The following PRMT8 variants were observed in gnomAD, a reference collection of about 807,000 sequenced individuals.
PRMT8 encodes protein arginine methyltransferase 8.
PRMT8 carries 7 observed loss-of-function variants against 47.1 expected under a neutral mutation model. The ratio of observed to expected loss-of-function variants is 0.15; its 90% CI spans 0.08 to 0.28. The LOEUF (loss-of-function observed/expected upper bound fraction) is 0.28, where lower values mean the gene tolerates loss of function less well. Ranked by LOEUF, PRMT8 falls within the 10% of genes least tolerant of loss-of-function variation. The pLI is 1.00. For synonymous variants in PRMT8, 188 were observed against 186.5 expected (o/e 1.01, Z -0.07); for missense variants, 237 against 505.4 (o/e 0.47, Z 5.09).
chr12:3,486,314 A>G (rs1423820178), upstream of PRMT8, among the ~76,000 whole-genome samples: 1 of 152,032 alleles, frequency 6.6e-6, no homozygotes, highest in Admixed American at 6.5e-5. Flanking sequence ...ATGAGAACCA[A>G]TGCATAAGAC....
intron 7 of PRMT8, among the ~76,000 whole-genome samples, chr12:3,582,058 T>C (rs1867077700): frequency 6.6e-6 from 1 of 152,234 alleles, no homozygotes; most frequent in Admixed American, 6.5e-5. Flanking sequence ...GATGGCCTTC[T>C]GGCTCTTACA....
intron 1 of PRMT8, among the ~76,000 whole-genome samples, chr12:3,494,502 C>A (rs2137115147): frequency 6.6e-6 from 1 of 152,332 alleles, no homozygotes; most frequent in South Asian, 2.1e-4. Flanking sequence ...GCTGTTTGCC[C>A]TGCCCTTGCT....
rs1865456856 is a variant in PRMT8, at chr12:3,493,520, G to T, written c.75+1820G>T. On this transcript the variant is annotated intron_variant, in intron 1 of 9. Coordinates refer to ENST00000382622, the MANE Select transcript of PRMT8 (RefSeq NM_019854.5). This position sits in a 1 kb window ranked among gnomAD's most constrained non-coding sequence, Gnocchi z 8.2. ...CATTTTTCTAAGAAAAAGTTTTTGC[G>T]GTTCCCTTTGCCTCCTACCCCCGCT... Among the ~76,000 whole-genome samples the T allele has an allele frequency of 6.6e-6, 1 of 152,102 alleles. No homozygotes were observed. Among genetic ancestry groups the T allele is most frequent in the Non-Finnish European group, 1.5e-5 (1 of 68,036 alleles).
intron 1 of PRMT8, among the ~76,000 whole-genome samples, chr12:3,505,350 G>A (rs985334620): frequency 6.6e-6 from 1 of 152,206 alleles, no homozygotes; most frequent in Non-Finnish European, 1.5e-5. Flanking sequence ...CCGCCATATA[G>A]CAAATGGCTG....
intron 1 of PRMT8, among the ~76,000 whole-genome samples, chr12:3,465,748 G>A (rs527966838): frequency 8.5e-5 from 13 of 152,310 alleles, no homozygotes; most frequent in South Asian, 4.1e-4. Flanking sequence ...GTTTGAGGAC[G>A]ACTTGAGGAC....
chr12:3,465,238 A>T (rs1205026054), intron 1 of PRMT8, among the ~76,000 whole-genome samples: 10 of 100,932 alleles, frequency 9.9e-5, no homozygotes, highest in South Asian at 3.0e-4. Flanking sequence ...AAATATATAT[A>T]TTTTTATATA....
intron 1 of PRMT8, among the ~76,000 whole-genome samples, chr12:3,432,776 G>GT (rs1864696008): frequency 6.6e-6 from 1 of 151,980 alleles, no homozygotes; most frequent in Non-Finnish European, 1.5e-5. Flanking sequence ...TCGTTTTGTT[G>GT]GTTTTTGTTT....
At chr12:3,399,865 T>C (rs1180168417) in intron 1 of PRMT8, among the ~76,000 whole-genome samples, 2 of 152,226 alleles carry the variant, frequency 1.3e-5, no homozygotes, top group African/African-American at 2.4e-5. Flanking sequence ...AGCATGTGAG[T>C]CTGATTCTTA....
chr12:3,472,005 C>T (rs536491949), intron 1 of PRMT8, among the ~76,000 whole-genome samples: 1 of 152,188 alleles, frequency 6.6e-6, no homozygotes, highest in South Asian at 2.1e-4. Context: ...CAACAGAAGT[C>T]ATGATGCTCT....
intron 1 of PRMT8, among the ~76,000 whole-genome samples, chr12:3,406,226 G>A (rs191059547): frequency 6.6e-6 from 1 of 152,236 alleles, no homozygotes; most frequent in Non-Finnish European, 1.5e-5. Flanking sequence ...AGGGGACAAG[G>A]TTCTGGGGCT....
At chr12:3,488,371 A>G (rs1294117679), upstream of PRMT8, among the ~76,000 whole-genome samples, 7 of 152,302 alleles carry the variant, frequency 4.6e-5, no homozygotes, top group East Asian at 7.7e-4. Flanking sequence ...AAGATCTAGT[A>G]TAAGAAAAAT....
At chr12:3,477,391 G>A (rs1256481895) in intron 1 of PRMT8, among the ~76,000 whole-genome samples, 2 of 152,226 alleles carry the variant, frequency 1.3e-5, no homozygotes, top group East Asian at 3.8e-4. Flanking sequence ...AAACCAAGAG[G>A]TATAACCTGA....
At position 3,453,730 on chromosome 12, in the gene PRMT8, T is replaced by A. The variant is rs1864945019; in HGVS notation, c.48+72288T>A. Among the ~76,000 whole-genome samples, 1 of 152,152 alleles carries A rather than the reference T, an allele frequency of 6.6e-6. No individual in the cohort carries two copies. Among genetic ancestry groups the A allele is most frequent in the South Asian group, 2.1e-4 (1 of 4,836 alleles). ...TCGTCTGTTCTGCCCACACATCTCC[T>A]GCGGCACCCTGTGGTCTGTGTCCTG... is the stretch of plus-strand genomic sequence containing the variant. On this transcript the variant is annotated intron_variant, in intron 1 of 9. Coordinates refer to the PRMT8 transcript ENST00000452611. The surrounding 1 kb of genome is among the most constrained non-coding windows in gnomAD (Gnocchi z 4.9).
chr12:3,499,025 T>A (rs1265390695), intron 1 of PRMT8, among the ~76,000 whole-genome samples: 1 of 152,156 alleles, frequency 6.6e-6, no homozygotes, highest in Non-Finnish European at 1.5e-5. Context: ...TCTGCCTTCA[T>A]CTTCACAGGG....
chr12:3,474,931 T>G (rs1865195639), intron 1 of PRMT8, among the ~76,000 whole-genome samples: 1 of 152,206 alleles, frequency 6.6e-6, no homozygotes, highest in Non-Finnish European at 1.5e-5. Flanking sequence ...CAGATGGCAT[T>G]TAAATGCCCT....
intron 1 of PRMT8, among the ~76,000 whole-genome samples, chr12:3,386,771 G>A (rs141158715): frequency 0.015 from 2,209 of 150,816 alleles, 73 homozygotes; most frequent in African/African-American, 0.051. Context: ...GTGCAATGGC[G>A]CAATCGTGGC....
chr12:3,382,132 A>G (rs1253519631), intron 1 of PRMT8, among the ~76,000 whole-genome samples: 3 of 152,196 alleles, frequency 2.0e-5, no homozygotes, highest in Non-Finnish European at 4.4e-5. Flanking sequence ...CCATTCACTC[A>G]CTGAAGAGCA....
chr12:3,592,496 T>C, intron 9 of PRMT8, 144 bp downstream of exon 9: 1 of 863,704 alleles, frequency 1.2e-6, no homozygotes, highest in Non-Finnish European at 1.7e-6. Flanking sequence ...CATGTGGACA[T>C]GACTAGGCCT....
intron 4 of PRMT8, among the ~76,000 whole-genome samples, chr12:3,563,338 A>G (rs1208052820): frequency 6.6e-6 from 1 of 151,646 alleles, no homozygotes; most frequent in African/African-American, 2.4e-5. Flanking sequence ...GACAAAGCAG[A>G]CCCTCGAGTC....
Sources: gnomAD v4.1 joint callset for allele counts (sites outside exome capture counted in the v4.1 genomes callset) on GRCh38, gnomAD v4.1.1 for gene constraint, Gnocchi (gnomAD v3.1) non-coding constraint, MANE v1.5 for transcripts, NCBI Gene and HGNC (gene_info 2026-07-23, HGNC 2026-07-21) for gene names.